Variants in NOVA2 observed in about 807,000 individuals in gnomAD.
NOVA2 encodes RNA-binding protein Nova-2.
A neutral mutation model predicts 22.5 loss-of-function variants in NOVA2; 9 were observed. The observed-to-expected ratio is 0.40, with a 90% confidence interval of 0.24 to 0.70. The LOEUF (loss-of-function observed/expected upper bound fraction) is 0.70. Among genes scored for constraint, NOVA2 ranks in the 30% least tolerant of loss-of-function variants. The pLI is 0.38. For missense variants in NOVA2, 383 were observed against 682.8 expected (o/e 0.56, Z 4.89); for synonymous variants, 318 against 335.2 (o/e 0.95, Z 0.56).
intron 2 of NOVA2, among the ~76,000 whole-genome samples, chr19:45,955,193 G>C (rs949968510): frequency 3.9e-5 from 6 of 152,154 alleles, no homozygotes; most frequent in African/African-American, 1.4e-4. Flanking sequence ...GTATGTGTCT[G>C]CATTTGTGTG....
At chr19:45,943,159 T>G (rs1967786289) in intron 3 of NOVA2, among the ~76,000 whole-genome samples, 1 of 151,534 alleles carries the variant, frequency 6.6e-6, no homozygotes, top group Non-Finnish European at 1.5e-5. Context: ...GTTCAAGGGA[T>G]TCTGCCACCT....
Position 45,940,228 on chromosome 19 carries a change from C to T in NOVA2, c.1114G>A (p.Gly372Ser), listed in dbSNP as rs2146406116. Residue 372 changes from glycine to serine, a missense_variant, in exon 4 of 4, where the codon GGC becomes AGC. Gly to Ser is a moderately conservative substitution (Grantham distance 56). Around this residue, in one of 2 missense-constraint regions of NOVA2, gnomAD observed 349 missense variants for 578.1 expected, o/e 0.60. Coordinates refer to ENST00000263257, the MANE Select transcript of NOVA2 (RefSeq NM_002516.4). Reference sequence around the variant, plus strand: ...GGGCCGCCCCCTCCGCCCGCCCCGCCGCCCGCCCCGGCCCCGAGGTAGCCG... The same window carrying T: ...GGGCCGCCCCCTCCGCCCGCCCCGCTGCCCGCCCCGGCCCCGAGGTAGCCG... ...ANGYLGAGAG[G>S]GAGGGGGPLV... is the part of the protein sequence containing the mutation. 12 of 1,096,376 alleles carry T rather than the reference C, an allele frequency of 1.1e-5. No homozygotes were observed. The South Asian group carries it at 1.7e-4, about 16-fold the overall frequency. 67.9% of individuals were successfully genotyped at this position (1,096,376 alleles called of 1,614,324 possible). A position where few individuals can be genotyped will look rare whatever the true frequency, so the allele number is the denominator to read the frequency against.
In NOVA2 at chr19:45,955,348, A is replaced by G. The variant is rs113003686; in HGVS notation, c.230-1402T>C. 7.9e-3 allele frequency among the ~76,000 whole-genome samples: 1,199 copies of G among 152,314 alleles called. 19 individuals carry two copies. The highest frequency in any genetic ancestry group is 0.028 in the African/African-American group (1,151 of 41,564). ...GTGTGTGAACCTGAGAAGGAGAGAC[A>G]GACAGGTAGACTCAGGTGTCAGTTT... On this transcript the variant is annotated intron_variant, in intron 2 of 3. Transcript: ENST00000263257.
At chr19:45,943,683 A>T (rs1397981530) in intron 3 of NOVA2, among the ~76,000 whole-genome samples, 1 of 151,630 alleles carries the variant, frequency 6.6e-6, no homozygotes, top group Non-Finnish European at 1.5e-5. Flanking sequence ...GTGCCACTGC[A>T]CTTCAACCTG....
At chr19:45,944,145 T>A (rs1967802926) in intron 3 of NOVA2, among the ~76,000 whole-genome samples, 1 of 152,142 alleles carries the variant, frequency 6.6e-6, no homozygotes, top group Non-Finnish European at 1.5e-5. Flanking sequence ...TATTTACATA[T>A]TAAAATTCAC....
At chr19:45,969,631 G>A (rs1021127869) in intron 1 of NOVA2, among the ~76,000 whole-genome samples, 1 of 151,846 alleles carries the variant, frequency 6.6e-6, no homozygotes, top group East Asian at 1.9e-4. Flanking sequence ...ATTTTGGGGG[G>A]GTTGACAGAG....
chr19:45,972,856 G>A (rs1968250880), intron 1 of NOVA2, among the ~76,000 whole-genome samples: 1 of 152,116 alleles, frequency 6.6e-6, no homozygotes, highest in South Asian at 2.1e-4. Flanking sequence ...CAGGGAGGGA[G>A]GCTGGGAAGC....
Position 45,957,191 on chromosome 19 carries a change from G to T in NOVA2, c.230-3245C>A, listed in dbSNP as rs372429346. Among the ~76,000 whole-genome samples, 23 of 152,214 alleles carry T rather than the reference G, an allele frequency of 1.5e-4. No homozygotes were observed. The East Asian group carries it at 4.4e-3, about 29-fold the overall frequency. On this transcript the variant is annotated intron_variant, in intron 2 of 3. Transcript: ENST00000263257. ...TTTAGGAGGCCAAGGTGGATGGAGG[G>T]CTTGAGCTCAGGAGTTCAGCCTGGG...
chr19:45,939,792 T>TA lies in NOVA2; in HGVS notation c.*70_*71insT. On this transcript the variant is annotated 3_prime_UTR_variant, in exon 4 of 4. Coordinates refer to ENST00000263257, the MANE Select transcript of NOVA2 (RefSeq NM_002516.4). ...ACTACACCAAGCTGAGGTCAGGAGT[T>TA]GGGGGGGAGGAGGAGAGGGAAGAGG... is the stretch of plus-strand genomic sequence containing the variant. 1 of 1,567,542 alleles carries TA rather than the reference T, an allele frequency of 6.4e-7. No homozygotes were observed. Among genetic ancestry groups the TA allele is most frequent in the Non-Finnish European group, 8.7e-7 (1 of 1,151,608 alleles).
At chr19:45,958,390 G>T (rs567597434) in intron 2 of NOVA2, among the ~76,000 whole-genome samples, 1 of 147,340 alleles carries the variant, frequency 6.8e-6, no homozygotes, top group Non-Finnish European at 1.5e-5. Context: ...TGTGTGTGTG[G>T]GAGCATGTGT....
At chr19:45,957,241 CA>C (rs1003288912) in intron 2 of NOVA2, among the ~76,000 whole-genome samples, 1 of 150,126 alleles carries the variant, frequency 6.7e-6, no homozygotes, top group East Asian at 2.0e-4. Context: ...CCCATCTCTA[CA>C]AAAAAAAATA....
rs1196466852 is a variant in NOVA2, at chr19:45,940,070, C to T, written c.1272G>A (p.Lys424=). The change falls in exon 4 of 4, where the codon AAG becomes AAA. Residue 424 remains lysine (K), a synonymous_variant. Transcript: ENST00000263257. ...GGTACTCCACCAACGTCTTGCCCCC[C>T]TTCCCCAGGATGGCTCCCACCAGGT... ...PENLVGAILG[K]GGKTLVEYQE... 7 of 1,613,898 alleles carry T rather than the reference C, an allele frequency of 4.3e-6. No homozygotes were observed. Among genetic ancestry groups the T allele is most frequent in the Non-Finnish European group, 5.9e-6 (7 of 1,179,962 alleles).
At chr19:45,960,686 A>T (rs1968081835) in intron 2 of NOVA2, among the ~76,000 whole-genome samples, 2 of 151,986 alleles carry the variant, frequency 1.3e-5, no homozygotes, top group South Asian at 4.2e-4. Flanking sequence ...GGACGCCCTG[A>T]CACCTGCCTC....
chr19:45,958,026 C>G (rs1428783016), intron 2 of NOVA2, among the ~76,000 whole-genome samples: 4 of 150,220 alleles, frequency 2.7e-5, no homozygotes, highest in African/African-American at 9.8e-5. Flanking sequence ...GCAGGGGACT[C>G]GCTTGGACCC....
chr19:45,936,164 C>T lies in NOVA2; in HGVS notation c.*3699G>A, dbSNP rs1967649463. 6.6e-6 allele frequency: 1 copy of T among 152,218 alleles called. No homozygotes were observed. The highest frequency in any genetic ancestry group is 2.4e-5 in the African/African-American group (1 of 41,464). The allele number at this position is 152,218 out of a possible 1,614,324, so 9.4% of individuals were successfully genotyped here. On this transcript the variant is annotated 3_prime_UTR_variant, in exon 4 of 4. Coordinates refer to ENST00000263257, the MANE Select transcript of NOVA2 (RefSeq NM_002516.4). ...AATTTGGCACATCGAACCCCCTCTTCTCATAGGAGCTTTGAGGTCCTTCTC... is the reference window on the plus strand; with the variant it reads ...AATTTGGCACATCGAACCCCCTCTTTTCATAGGAGCTTTGAGGTCCTTCTC...
intron 1 of NOVA2, among the ~76,000 whole-genome samples, chr19:45,964,766 G>T (rs1261354190): frequency 6.6e-6 from 1 of 152,042 alleles, no homozygotes; most frequent in Non-Finnish European, 1.5e-5. Flanking sequence ...TTGCCATGTT[G>T]CTCAGGCTGG....
intron 1 of NOVA2, among the ~76,000 whole-genome samples, chr19:45,971,724 A>G (rs1257215681): frequency 6.6e-6 from 1 of 152,014 alleles, no homozygotes; most frequent in East Asian, 1.9e-4. Context: ...CATCCGGAGG[A>G]AAAGGCCAGA....
At position 45,940,563 on chromosome 19, in the gene NOVA2, C is replaced by A; in HGVS notation, c.779G>T (p.Gly260Val). ...SGLLGPAGLAGVGAFPAALPA... is the reference protein window; with the variant it reads ...SGLLGPAGLAVVGAFPAALPA... The stretch of plus-strand genomic sequence containing the variant: ...CAGCGCGGCGGGAAAGGCCCCCACG[C>A]CAGCCAGCCCGGCGGGGCCCAGCAG... The change falls in exon 4 of 4, where the codon GGC (glycine) becomes GTC (valine). Residue 260 changes from glycine (G) to valine (V), a missense_variant. Transcript: ENST00000263257. 6.8e-7 allele frequency: 1 copy of A among 1,460,672 alleles called. No homozygotes were observed. 90.5% of individuals were successfully genotyped at this position (1,460,672 alleles called of 1,614,324 possible).
At chr19:45,959,083 T>C (rs1410673314) in intron 2 of NOVA2, among the ~76,000 whole-genome samples, 1 of 152,238 alleles carries the variant, frequency 6.6e-6, no homozygotes, top group Non-Finnish European at 1.5e-5. Context: ...CGGGCTGGCA[T>C]AGAGGAAGTG....
Sources: allele counts gnomAD v4.1 joint callset (sites outside exome capture counted in the v4.1 genomes callset), GRCh38; gene constraint gnomAD v4.1.1; regional missense constraint gnomAD v4.1.1; transcripts MANE v1.5; gene names NCBI Gene and HGNC (gene_info 2026-07-23, HGNC 2026-07-21).